Variants in MXI1 observed in about 807,000 individuals in gnomAD.
MXI1 encodes max-interacting protein 1.
MXI1 carries 18 observed loss-of-function variants against 36.9 expected under a neutral mutation model. That is an observed-to-expected ratio of 0.49 (90% CI 0.34 to 0.72). MXI1 has a LOEUF of 0.72. Among genes scored for constraint, MXI1 ranks in the 30% least tolerant of loss-of-function variants. The pLI, the probability that MXI1 is intolerant of heterozygous loss-of-function variation, is 0.01. For synonymous variants in MXI1, 160 were observed against 146.7 expected, an observed-to-expected ratio of 1.09 and a Z score of -0.65; for missense variants, 304 against 379.1, an observed-to-expected ratio of 0.80 and a Z score of 1.64.
At chr10:110,274,421 T>TGAGAG (rs1856960250) in intron 3 of MXI1, among the ~76,000 whole-genome samples, 1 of 152,022 alleles carries the variant, frequency 6.6e-6, no homozygotes, top group Non-Finnish European at 1.5e-5. Context: ...ACCCCATCCC[T>TGAGAG]CTCAGCAAGG....
intron 1 of MXI1, chr10:110,226,219 G>C (rs139501069): frequency 6.8e-5 from 102 of 1,494,128 alleles, no homozygotes; most frequent in Non-Finnish European, 8.6e-5. Flanking sequence ...CCATGGAGCG[G>C]GTGAAGATGA....
intron 3 of MXI1, among the ~76,000 whole-genome samples, chr10:110,272,284 C>T (rs1027482468): frequency 6.6e-6 from 1 of 152,126 alleles, no homozygotes; most frequent in African/African-American, 2.4e-5. Flanking sequence ...ATTCCAAAAT[C>T]TGAAAAAATG....
chr10:110,232,564 T>C (rs1031167228), intron 2 of MXI1, among the ~76,000 whole-genome samples: 5 of 152,212 alleles, frequency 3.3e-5, no homozygotes, highest in Admixed American at 1.3e-4. Flanking sequence ...TCCTATTCAC[T>C]GGATTAAAAA....
At chr10:110,274,387 A>C (rs1247096600) in intron 3 of MXI1, among the ~76,000 whole-genome samples, 1 of 152,128 alleles carries the variant, frequency 6.6e-6, no homozygotes, top group Non-Finnish European at 1.5e-5. Flanking sequence ...AAATAAAAGT[A>C]CTTTGGGAAC....
chr10:110,249,673 A>G (rs972806135), intron 3 of MXI1, among the ~76,000 whole-genome samples: 3 of 152,148 alleles, frequency 2.0e-5, no homozygotes, highest in African/African-American at 7.2e-5. Context: ...ATCATTTTGA[A>G]AAAGAAATGG....
chr10:110,220,378 G>A (rs1307912728), intron 1 of MXI1, among the ~76,000 whole-genome samples: 1 of 152,196 alleles, frequency 6.6e-6, no homozygotes, highest in African/African-American at 2.4e-5. Flanking sequence ...CACTATTGCT[G>A]GAAGAGCTGG....
chr10:110,284,822 A>G lies in MXI1; in HGVS notation c.725-2A>G. 1 of 1,578,374 alleles carries G rather than the reference A, an allele frequency of 6.3e-7. No homozygotes were observed. ...TCTTCTTTTTTTTTTTTCCTTTGGC[A>G]GAGGAGATTGAAGTGGATGTTGAAA... On this transcript the variant is annotated splice_acceptor_variant, in intron 5 of 5. Transcript: ENST00000332674. LOFTEE classifies it high-confidence loss of function.
intron 3 of MXI1, among the ~76,000 whole-genome samples, chr10:110,248,438 G>T (rs1182154136): frequency 6.6e-6 from 1 of 152,062 alleles, no homozygotes; most frequent in Non-Finnish European, 1.5e-5. Context: ...CAGAAGATGT[G>T]TGCATCACCC....
At chr10:110,283,839 G>A (rs1381043988) in intron 5 of MXI1, among the ~76,000 whole-genome samples, 1 of 151,718 alleles carries the variant, frequency 6.6e-6, no homozygotes, top group Non-Finnish European at 1.5e-5. Flanking sequence ...GAAGTGCAGT[G>A]GTGAGACCTT....
At chr10:110,244,711 C>A in intron 2 of MXI1, 117 bp from the exon 3 acceptor site, 1 of 728,860 alleles carries the variant, frequency 1.4e-6, no homozygotes, top group Non-Finnish European at 2.3e-6. Flanking sequence ...AGAAGTCTGA[C>A]CATGTGTTGC....
chr10:110,212,229 G>A (rs1854533320), intron 1 of MXI1, among the ~76,000 whole-genome samples: 1 of 152,124 alleles, frequency 6.6e-6, no homozygotes, highest in African/African-American at 2.4e-5. Context: ...TTGAGGGTGG[G>A]GTGCTTTCCT....
At chr10:110,277,782 A>G (rs1342146252) in intron 3 of MXI1, among the ~76,000 whole-genome samples, 1 of 152,242 alleles carries the variant, frequency 6.6e-6, no homozygotes, top group Non-Finnish European at 1.5e-5. Context: ...TGCTAGAAGA[A>G]TCTTAATTCA....
chr10:110,231,048 A>G (rs1195374829), intron 2 of MXI1, among the ~76,000 whole-genome samples: 4 of 152,192 alleles, frequency 2.6e-5, no homozygotes, highest in Non-Finnish European at 1.5e-5. Flanking sequence ...TGATATTCTC[A>G]GGTATTATAT....
At chr10:110,242,957 C>T (rs960531905) in intron 2 of MXI1, among the ~76,000 whole-genome samples, 1 of 151,906 alleles carries the variant, frequency 6.6e-6, no homozygotes, top group Non-Finnish European at 1.5e-5. Flanking sequence ...GTTTTCTTCT[C>T]AGAGAGAGGC....
At chr10:110,262,531 G>A (rs1274530504) in intron 3 of MXI1, among the ~76,000 whole-genome samples, 2 of 152,084 alleles carry the variant, frequency 1.3e-5, no homozygotes, top group Admixed American at 6.6e-5. Context: ...AAGGGGAAAC[G>A]ATCATGTTGA....
chr10:110,254,087 A>T (rs573668886), intron 3 of MXI1, among the ~76,000 whole-genome samples: 1 of 152,224 alleles, frequency 6.6e-6, no homozygotes, highest in East Asian at 1.9e-4. Flanking sequence ...TCTTATGTAC[A>T]GGTATACTTC....
chr10:110,225,177 C>T (rs1854922713), intron 1 of MXI1, among the ~76,000 whole-genome samples: 1 of 152,202 alleles, frequency 6.6e-6, no homozygotes, highest in African/African-American at 2.4e-5. Flanking sequence ...AGTACAGTGC[C>T]TGGCACATGG....
At chr10:110,232,716 C>T (rs1031052869) in intron 2 of MXI1, among the ~76,000 whole-genome samples, 1 of 152,128 alleles carries the variant, frequency 6.6e-6, no homozygotes, top group African/African-American at 2.4e-5. Flanking sequence ...AATTGAATTT[C>T]TTTTTTGTGC....
chr10:110,229,360 G>A (rs190035569), intron 2 of MXI1, among the ~76,000 whole-genome samples: 22 of 152,158 alleles, frequency 1.4e-4, no homozygotes, highest in Non-Finnish European at 2.8e-4. Flanking sequence ...TTTCCCTGAA[G>A]GCTTTGGGGA....
Sources: allele counts gnomAD v4.1 joint callset (sites outside exome capture counted in the v4.1 genomes callset), GRCh38; gene constraint gnomAD v4.1.1; transcripts MANE v1.5; gene names NCBI Gene and HGNC (gene_info 2026-07-23, HGNC 2026-07-21).